Variants in PLCXD3 observed in about 807,000 individuals in gnomAD.
PLCXD3 encodes PI-PLC X domain-containing protein 3.
PLCXD3 carries 19 observed loss-of-function variants against 25.5 expected under a neutral mutation model. The observed-to-expected ratio is 0.75, with a 90% CI of 0.52 to 1.09. The LOEUF is 1.09. Ranked by LOEUF, PLCXD3 falls within the 50% of genes least tolerant of loss-of-function variation. The pLI is 0.00. For missense variants in PLCXD3, 411 were observed against 388.1 expected, an observed-to-expected ratio of 1.06 and a Z score of -0.50; for synonymous variants, 174 against 137.6, an observed-to-expected ratio of 1.26 and a Z score of -1.85.
intron 1 of PLCXD3, among the ~76,000 whole-genome samples, chr5:41,446,112 C>T (rs1214226097): frequency 3.0e-5 from 4 of 134,122 alleles, no homozygotes; most frequent in Admixed American, 1.7e-4. Context: ...GACGTGAACC[C>T]GGGAGGCGGA....
chr5:41,488,077 C>G (rs1176067965), intron 1 of PLCXD3, among the ~76,000 whole-genome samples: 1 of 126,840 alleles, frequency 7.9e-6, no homozygotes, highest in Non-Finnish European at 1.6e-5. Flanking sequence ...CTCCCCCCTC[C>G]CCCCACGCCA....
intron 1 of PLCXD3, among the ~76,000 whole-genome samples, chr5:41,464,940 CTACTT>C (rs764752082): frequency 4.6e-5 from 7 of 151,952 alleles, no homozygotes; most frequent in East Asian, 1.9e-4. Flanking sequence ...ATTTCAATAA[CTACTT>C]TATTAAATTC....
At position 41,442,245 on chromosome 5, in the gene PLCXD3, G is replaced by T. The variant is rs318066; in HGVS notation, c.104-59711C>A. On this transcript the variant is annotated intron_variant, in intron 1 of 2. Coordinates refer to ENST00000377801, the MANE Select transcript of PLCXD3 (RefSeq NM_001005473.3). The stretch of plus-strand genomic sequence containing the variant: ...ATGAATAAACAACTCAGAAGGTGTT[G>T]ATCTGACAAGGAGGCAAAAACACAA... 8.5e-3 allele frequency among the ~76,000 whole-genome samples: 1,301 copies of T among 152,282 alleles called. 22 individuals carry two copies. Among genetic ancestry groups the T allele is most frequent in the African/African-American group, 0.03 (1,231 of 41,562 alleles).
chr5:41,475,550 C>A lies in PLCXD3; in HGVS notation c.103+34874G>T, dbSNP rs558552438. 9.7e-6 allele frequency: 5 copies of A among 516,432 alleles called. No homozygotes were observed. The East Asian group carries it at 2.7e-4, about 28-fold the overall frequency. The allele number at this position is 516,432 out of a possible 1,614,324, so 32.0% of individuals were successfully genotyped here. ...TATCTCTATTTATCTCTACTTATTT[C>A]TATTTATCCCTACTTATCTCTGTTT... On this transcript the variant is annotated intron_variant, in intron 1 of 2. Transcript: ENST00000377801.
At chr5:41,352,145 T>C (rs1744480709) in intron 2 of PLCXD3, among the ~76,000 whole-genome samples, 1 of 152,218 alleles carries the variant, frequency 6.6e-6, no homozygotes, top group South Asian at 2.1e-4. Context: ...CCTTTATCAA[T>C]AGAAAGTCTC....
intron 1 of PLCXD3, among the ~76,000 whole-genome samples, chr5:41,474,139 G>A (rs1218392046): frequency 6.6e-6 from 1 of 152,172 alleles, no homozygotes; most frequent in Non-Finnish European, 1.5e-5. Flanking sequence ...AGGGTCCAGG[G>A]GAAGAAGAGA....
chr5:41,459,643 T>C (rs558258634), intron 1 of PLCXD3, among the ~76,000 whole-genome samples: 4 of 151,764 alleles, frequency 2.6e-5, no homozygotes, highest in Admixed American at 6.6e-5. Flanking sequence ...GCCAACTAGA[T>C]AGCCAGCATT....
At chr5:41,394,547 G>T (rs1214186428) in intron 1 of PLCXD3, among the ~76,000 whole-genome samples, 1 of 152,046 alleles carries the variant, frequency 6.6e-6, no homozygotes, top group African/African-American at 2.4e-5. Context: ...AACAAGATCT[G>T]TTGATCTGTT....
At chr5:41,452,711 A>G (rs1479597453) in intron 1 of PLCXD3, among the ~76,000 whole-genome samples, 2 of 152,050 alleles carry the variant, frequency 1.3e-5, no homozygotes, top group Non-Finnish European at 2.9e-5. Context: ...ATTTACTTGA[A>G]CAATGGTTAA....
Position 41,308,724 on chromosome 5 carries a change from T to G in PLCXD3, c.*4893A>C, listed in dbSNP as rs1743057840. The G allele has an allele frequency of 6.6e-6, 1 of 152,100 alleles. No individual in the cohort carries two copies. Among genetic ancestry groups the G allele is most frequent in the Non-Finnish European group, 1.5e-5 (1 of 68,016 alleles). The allele number at this position is 152,100 out of a possible 1,614,324, so 9.4% of individuals were successfully genotyped here. On this transcript the variant is annotated 3_prime_UTR_variant, in exon 3 of 3. Transcript: ENST00000377801. ...AGATTGAATTTTAAAAAGTAATGGT[T>G]TGGAGAAACAATTTTTCATGGAAAA...
intron 1 of PLCXD3, among the ~76,000 whole-genome samples, chr5:41,388,135 A>G (rs1433492763): frequency 1.3e-5 from 2 of 152,010 alleles, no homozygotes; most frequent in African/African-American, 4.8e-5. Context: ...TAAAAAAAAA[A>G]ATACATACAA....
rs1743085024 is a variant in PLCXD3, at chr5:41,309,969, A to C, written c.*3648T>G. The C allele has an allele frequency of 6.6e-6, 1 of 152,066 alleles. No individual in the cohort carries two copies. Among genetic ancestry groups the C allele is most frequent in the Non-Finnish European group, 1.5e-5 (1 of 67,990 alleles). 9.4% of individuals were successfully genotyped at this position (152,066 alleles called of 1,614,324 possible). On this transcript the variant is annotated 3_prime_UTR_variant, in exon 3 of 3. Coordinates refer to ENST00000377801, the MANE Select transcript of PLCXD3 (RefSeq NM_001005473.3). ...TCAGATTGATTAGAGTGCAGTTTCA[A>C]CTTGAATAATAAGTATATGTGTGTG...
chr5:41,354,702 C>T (rs1336829878), intron 2 of PLCXD3, among the ~76,000 whole-genome samples: 1 of 152,170 alleles, frequency 6.6e-6, no homozygotes, highest in Non-Finnish European at 1.5e-5. Flanking sequence ...GATAACTCCT[C>T]TTTGGTTTCC....
intron 1 of PLCXD3, among the ~76,000 whole-genome samples, chr5:41,392,661 A>G (rs1021796539): frequency 6.6e-6 from 1 of 152,230 alleles, no homozygotes; most frequent in Admixed American, 6.5e-5. Flanking sequence ...TCTAAAAAAT[A>G]TCTGCTAGCA....
At chr5:41,427,989 T>G (rs1462844046) in intron 1 of PLCXD3, among the ~76,000 whole-genome samples, 2 of 152,214 alleles carry the variant, frequency 1.3e-5, no homozygotes, top group African/African-American at 4.8e-5. Context: ...GGAGCCACCC[T>G]GTAAATTTCC....
In PLCXD3 at chr5:41,386,225, G is replaced by A. The variant is rs1007433270; in HGVS notation, c.104-3691C>T. 4.9e-4 allele frequency among the ~76,000 whole-genome samples: 74 copies of A among 152,002 alleles called. 2 individuals carry two copies. Among genetic ancestry groups the A allele is most frequent in the Non-Finnish European group, 2.5e-4 (17 of 67,974 alleles). On this transcript the variant is annotated intron_variant, in intron 1 of 2. Coordinates refer to ENST00000377801, the MANE Select transcript of PLCXD3 (RefSeq NM_001005473.3). Reference sequence around the variant, plus strand: ...GTTTCTATGCTTGAAAACTGTATCAGGTATGAGAAAAATTTTAAAGATGGT... The same window carrying A: ...GTTTCTATGCTTGAAAACTGTATCAAGTATGAGAAAAATTTTAAAGATGGT...
intron 1 of PLCXD3, among the ~76,000 whole-genome samples, chr5:41,501,855 C>G (rs1748958627): frequency 6.6e-6 from 1 of 151,954 alleles, no homozygotes; most frequent in Non-Finnish European, 1.5e-5. Context: ...AGATCATTGG[C>G]TACCTTGATA....
intron 1 of PLCXD3, among the ~76,000 whole-genome samples, chr5:41,467,342 A>G (rs967650913): frequency 1.3e-5 from 2 of 152,166 alleles, no homozygotes; most frequent in African/African-American, 4.8e-5. Context: ...TTGGCCATTC[A>G]TATGATTTCT....
At chr5:41,401,699 C>T (rs1746192125) in intron 1 of PLCXD3, among the ~76,000 whole-genome samples, 1 of 151,974 alleles carries the variant, frequency 6.6e-6, no homozygotes, top group Non-Finnish European at 1.5e-5. Context: ...GCATTATTTT[C>T]CTCTTAAATT....
Sources: allele counts gnomAD v4.1 joint callset (sites outside exome capture counted in the v4.1 genomes callset), GRCh38; gene constraint gnomAD v4.1.1; transcripts MANE v1.5; gene names NCBI Gene and HGNC (gene_info 2026-07-23, HGNC 2026-07-21).